Variants in SLIT2 observed in about 807,000 individuals in gnomAD.
SLIT2 encodes the protein slit homolog 2 protein.
In SLIT2, 41 loss-of-function variants were observed where a neutral mutation model predicts 185.7. The observed-to-expected ratio is 0.22, with a 90% CI of 0.17 to 0.29. The LOEUF (loss-of-function observed/expected upper bound fraction) is 0.29. SLIT2 is among the 10% of genes least tolerant of loss of function. The probability of loss-of-function intolerance (pLI) is 1.00; values close to 1 mark genes in which losing one functional copy is unlikely to be tolerated. For missense variants in SLIT2, 1,571 were observed against 1,909.0 expected, an observed-to-expected ratio of 0.82 and a Z score of 3.30; for synonymous variants, 693 against 680.2, an observed-to-expected ratio of 1.02 and a Z score of -0.29.
chr4:20,338,263 A>G (rs539211105), intron 4 of SLIT2, among the ~76,000 whole-genome samples: 2 of 152,350 alleles, frequency 1.3e-5, no homozygotes, highest in Admixed American at 1.3e-4. Context: ...GTTGCTGAAC[A>G]GGGACATGTG....
chr4:20,481,512 A>G (rs1364764683), intron 6 of SLIT2, among the ~76,000 whole-genome samples: 1 of 152,126 alleles, frequency 6.6e-6, no homozygotes, highest in Non-Finnish European at 1.5e-5. Context: ...CAAAATTCAC[A>G]TTTGTAGGTT....
chr4:20,362,116 A>G (rs895677453), intron 4 of SLIT2, among the ~76,000 whole-genome samples: 1 of 152,104 alleles, frequency 6.6e-6, no homozygotes, highest in Non-Finnish European at 1.5e-5. Context: ...CTCCAGCTCC[A>G]TCTTGTCCTC....
chr4:20,441,484 A>ATC lies in SLIT2; in HGVS notation c.396-26251_396-26250dup, dbSNP rs35297721. On this transcript the variant is annotated intron_variant, in intron 4 of 36. Transcript: ENST00000504154. ...GCTGAGGAACGTGTTCCCTCATCCA[A>ATC]TCTCTCTCTCTCTCTCTCGCCCCCC... is the stretch of plus-strand genomic sequence containing the variant. Among the ~76,000 whole-genome samples the ATC allele has an allele frequency of 6.4e-4, 81 of 127,028 alleles. 1 individual carries two copies. Among genetic ancestry groups the ATC allele is most frequent in the Admixed American group, 1.4e-3 (18 of 12,660 alleles). 83.3% of individuals were successfully genotyped at this position (127,028 alleles called of 152,430 possible). A position where few individuals can be genotyped will look rare whatever the true frequency, so the allele number is the denominator to read the frequency against.
At chr4:20,354,013 GT>G (rs1722100511) in intron 4 of SLIT2, among the ~76,000 whole-genome samples, 1 of 152,062 alleles carries the variant, frequency 6.6e-6, no homozygotes, top group South Asian at 2.1e-4. Flanking sequence ...AAAATCATCC[GT>G]TATTCCAAAA....
At chr4:20,323,606 C>T (rs75700017) in intron 4 of SLIT2, among the ~76,000 whole-genome samples, 10,001 of 152,014 alleles carry the variant, frequency 0.066, 346 homozygotes, top group Admixed American at 0.082. Flanking sequence ...TATACAATAC[C>T]GGCCTCCAGC....
intron 4 of SLIT2, among the ~76,000 whole-genome samples, chr4:20,392,866 C>G (rs1725541774): frequency 6.6e-6 from 1 of 152,036 alleles, no homozygotes; most frequent in South Asian, 2.1e-4. Flanking sequence ...ATGCCTTCTT[C>G]TAGAGTACCT....
At chr4:20,463,858 A>G (rs1714051563) in intron 4 of SLIT2, among the ~76,000 whole-genome samples, 1 of 149,390 alleles carries the variant, frequency 6.7e-6, no homozygotes. Context: ...CCTGGGAGAC[A>G]GGGCAAGACT....
chr4:20,559,683 C>T (rs1042796140), intron 26 of SLIT2, among the ~76,000 whole-genome samples: 3 of 151,722 alleles, frequency 2.0e-5, no homozygotes, highest in Admixed American at 6.6e-5. Context: ...CTATCATTTC[C>T]CCATTTGAGA....
chr4:20,616,160 A>T (rs992040838), intron 34 of SLIT2: 1 of 152,254 alleles, frequency 6.6e-6, no homozygotes, highest in Admixed American at 6.5e-5. Flanking sequence ...AGAAAAAATG[A>T]TGTGAATGAG....
rs147827737 is a variant in SLIT2 at position 20,567,389 on chromosome 4, A to G, written c.2850+3A>G. 4 of 1,613,228 alleles carry G rather than the reference A, an allele frequency of 2.5e-6. No individual in the cohort carries two copies. The highest frequency in any genetic ancestry group is 2.5e-6 in the Non-Finnish European group (3 of 1,179,410). On this transcript the variant is annotated splice_donor_region_variant and intron_variant, in intron 27 of 36. Coordinates refer to ENST00000504154, the MANE Select transcript of SLIT2 (RefSeq NM_004787.4). Reference sequence around the variant, plus strand: ...GCACCTGTCCATATGGTTTCAAGGTAAGTAAAAGCACTTTAAGAGTCACAG... The same window carrying G: ...GCACCTGTCCATATGGTTTCAAGGTGAGTAAAAGCACTTTAAGAGTCACAG...
rs984098234 is a variant in SLIT2, at chr4:20,620,478, A to G, written c.*1469A>G. The stretch of plus-strand genomic sequence containing the variant: ...CAAAGAAAATTAGATGTACATGTAT[A>G]ATTCAGTGTGCTTTGTCTTTCTCCA... On this transcript the variant is annotated 3_prime_UTR_variant, in exon 37 of 37. Coordinates refer to ENST00000504154, the MANE Select transcript of SLIT2 (RefSeq NM_004787.4). The G allele has an allele frequency of 2.2e-6, 1 of 445,906 alleles. No individual in the cohort carries two copies. The highest frequency in any genetic ancestry group is 4.5e-6 in the Non-Finnish European group (1 of 224,098). The allele number at this position is 445,906 out of a possible 1,614,324, so 27.6% of individuals were successfully genotyped here. A position where few individuals can be genotyped will look rare whatever the true frequency, so the allele number is the denominator to read the frequency against.
chr4:20,497,486 A>G (rs965042890), intron 9 of SLIT2, among the ~76,000 whole-genome samples: 1 of 152,216 alleles, frequency 6.6e-6, no homozygotes, highest in Non-Finnish European at 1.5e-5. Context: ...GACAAAAAGG[A>G]CAAGAGAAAT....
intron 12 of SLIT2, among the ~76,000 whole-genome samples, chr4:20,520,769 T>A (rs1720772661): frequency 6.6e-6 from 1 of 152,172 alleles, no homozygotes; most frequent in Admixed American, 6.5e-5. Context: ...TAGTGCTCTC[T>A]TTTCTGTTCA....
intron 4 of SLIT2, among the ~76,000 whole-genome samples, chr4:20,430,458 G>A (rs954431749): frequency 1.3e-5 from 2 of 151,982 alleles, no homozygotes; most frequent in Non-Finnish European, 2.9e-5. Flanking sequence ...CAGCGTCAGG[G>A]AAAAAAATGT....
At chr4:20,407,351 C>G (rs552954973) in intron 4 of SLIT2, among the ~76,000 whole-genome samples, 1 of 152,100 alleles carries the variant, frequency 6.6e-6, no homozygotes, top group African/African-American at 2.4e-5. Context: ...AGTAACTATA[C>G]TAGAAACAGA....
chr4:20,465,763 C>T (rs1304842228), intron 4 of SLIT2, among the ~76,000 whole-genome samples: 1 of 152,168 alleles, frequency 6.6e-6, no homozygotes, highest in Non-Finnish European at 1.5e-5. Flanking sequence ...CTAAAATCAT[C>T]TCCCTGACTT....
At chr4:20,429,241 T>C (rs903133164) in intron 4 of SLIT2, among the ~76,000 whole-genome samples, 1 of 152,170 alleles carries the variant, frequency 6.6e-6, no homozygotes, top group African/African-American at 2.4e-5. Context: ...CTCTGCTTGA[T>C]TCATAATCAA....
rs748008641 is a variant in SLIT2, at chr4:20,553,883, G to A, written c.2640G>A (p.Glu880=). The change falls in exon 26 of 37, where the codon GAG becomes GAA. Residue 880 remains glutamate, a synonymous_variant. Transcript: ENST00000504154. ...ACTGGGTGAAGTCGGAATATAAGGA[G>A]CCTGGAATTGCTCGTTGTGCTGGTC... ...LSDWVKSEYK[E]PGIARCAGPG... is the part of the protein sequence containing the mutation. 5.0e-6 allele frequency: 8 copies of A among 1,612,614 alleles called. No individual in the cohort carries two copies. Among genetic ancestry groups the A allele is most frequent in the South Asian group, 2.2e-5 (2 of 90,754 alleles).
intron 4 of SLIT2, among the ~76,000 whole-genome samples, chr4:20,424,822 G>T (rs567027827): frequency 1.9e-4 from 29 of 152,104 alleles, no homozygotes; most frequent in Admixed American, 1.1e-3. Flanking sequence ...TCCCTTAGTG[G>T]ATATTTCTGT....
Sources: gnomAD v4.1 joint callset for allele counts (sites outside exome capture counted in the v4.1 genomes callset) on GRCh38, gnomAD v4.1.1 for gene constraint, MANE v1.5 for transcripts, NCBI Gene and HGNC (gene_info 2026-07-23, HGNC 2026-07-21) for gene names.